VMP1: variants seen among roughly 807,000 people sequenced by gnomAD.
VMP1 encodes vacuole membrane protein 1, also known as ectopic P-granules autophagy protein 3 homolog.
Under a neutral mutation model 56.0 loss-of-function variants are expected in VMP1, and 11 were observed. The ratio of observed to expected loss-of-function variants is 0.20; its 90% CI spans 0.12 to 0.32. The LOEUF is 0.32. VMP1 is among the 10% of genes least tolerant of loss of function. The pLI, the probability that VMP1 is intolerant of heterozygous loss-of-function variation, is 1.00. For synonymous variants in VMP1, 149 were observed against 165.0 expected, an observed-to-expected ratio of 0.90 and a Z score of 0.74; for missense variants, 296 against 490.3, an observed-to-expected ratio of 0.60 and a Z score of 3.74.
At chr17:59,756,435 A>G (rs1235414451) in intron 5 of VMP1, among the ~76,000 whole-genome samples, 1 of 152,232 alleles carries the variant, frequency 6.6e-6, no homozygotes, top group Non-Finnish European at 1.5e-5. Context: ...CCAGTGAATC[A>G]GCACAGGATT....
chr17:59,764,145 G>T (rs908843791), intron 5 of VMP1, among the ~76,000 whole-genome samples: 5 of 152,152 alleles, frequency 3.3e-5, no homozygotes, highest in Non-Finnish European at 7.4e-5. Flanking sequence ...TTTAAGTAAG[G>T]ACGTAAAGTG....
intron 2 of VMP1, among the ~76,000 whole-genome samples, chr17:59,733,968 G>C (rs1457877297): frequency 6.6e-6 from 1 of 152,258 alleles, no homozygotes; most frequent in East Asian, 1.9e-4. Flanking sequence ...GAACCAACTA[G>C]TTTGCCTCAC....
At chr17:59,742,376 G>A (rs952176756) in intron 5 of VMP1, among the ~76,000 whole-genome samples, 1 of 151,930 alleles carries the variant, frequency 6.6e-6, no homozygotes, top group African/African-American at 2.4e-5. Context: ...AATTAGCTGG[G>A]TGTGGTGGCA....
intron 10 of VMP1, among the ~76,000 whole-genome samples, chr17:59,837,043 T>C (rs1196336762): frequency 6.7e-6 from 1 of 150,236 alleles, no homozygotes; most frequent in African/African-American, 2.5e-5. Flanking sequence ...CTACTAAAAA[T>C]ACAAAAAAAA....
chr17:59,829,711 T>C (rs899494269), intron 10 of VMP1, among the ~76,000 whole-genome samples: 6 of 152,154 alleles, frequency 3.9e-5, no homozygotes, highest in African/African-American at 1.4e-4. Flanking sequence ...ATTGCTAGGC[T>C]GTCTTGTTGC....
chr17:59,805,795 A>G (rs1568181643), intron 7 of VMP1, among the ~76,000 whole-genome samples: 1 of 152,156 alleles, frequency 6.6e-6, no homozygotes, highest in African/African-American at 2.4e-5. Context: ...TAAAGGTGAC[A>G]TTAATGCTGA....
intron 5 of VMP1, among the ~76,000 whole-genome samples, chr17:59,755,742 G>GT (rs57646102): frequency 0.05 from 6,971 of 140,290 alleles, 571 homozygotes; most frequent in African/African-American, 0.17. Context: ...TTGGTTTTTG[G>GT]TTTTTTTTTT....
chr17:59,802,156 C>T (rs1199029788), intron 7 of VMP1, among the ~76,000 whole-genome samples: 2 of 151,886 alleles, frequency 1.3e-5, no homozygotes, highest in African/African-American at 2.4e-5. Flanking sequence ...AGCCAAGTCA[C>T]GCCACTGCAC....
chr17:59,821,271 A>G (rs1156442158), intron 10 of VMP1, among the ~76,000 whole-genome samples: 2 of 151,548 alleles, frequency 1.3e-5, no homozygotes, highest in African/African-American at 2.4e-5. Context: ...CACCTGACCT[A>G]TCTTACGTCT....
At chr17:59,809,279 G>A (rs529920939) in intron 8 of VMP1, among the ~76,000 whole-genome samples, 27 of 140,522 alleles carry the variant, frequency 1.9e-4, no homozygotes, top group African/African-American at 6.3e-4. Context: ...TTACAGGCAT[G>A]AGCCACTACA....
At chr17:59,735,238 T>A in intron 2 of VMP1, 100 bp from the exon 3 acceptor site, 1 of 1,448,000 alleles carries the variant, frequency 6.9e-7, no homozygotes, top group South Asian at 1.4e-5. Context: ...TGCTATTAGT[T>A]GTTATTTGGG....
intron 5 of VMP1, among the ~76,000 whole-genome samples, chr17:59,755,946 G>A (rs796945184): frequency 2.0e-5 from 3 of 151,844 alleles, no homozygotes; most frequent in East Asian, 1.9e-4. Context: ...TGTGTTGTCC[G>A]AGCTAGTCTC....
chr17:59,713,758 T>C (rs2034032428), intron 1 of VMP1, among the ~76,000 whole-genome samples: 1 of 149,774 alleles, frequency 6.7e-6, no homozygotes, highest in South Asian at 2.1e-4. Context: ...GAAGGTATCT[T>C]AGGGCTGGGC....
intron 1 of VMP1, among the ~76,000 whole-genome samples, chr17:59,721,597 T>C (rs1402436045): frequency 1.3e-5 from 2 of 151,650 alleles, no homozygotes; most frequent in African/African-American, 4.8e-5. Flanking sequence ...AAAGGTAGTC[T>C]AGCTAGACAA....
At position 59,776,276 on chromosome 17, in the gene VMP1, A is replaced by C. The variant is rs377204384; in HGVS notation, c.714+2391A>C. On this transcript the variant is annotated intron_variant, in intron 7 of 11. Coordinates refer to ENST00000262291, the MANE Select transcript of VMP1 (RefSeq NM_030938.5). ...GTATGGTTATAGTTTTTAATTAAAT[A>C]CAAAACTTTCAAATATGAATTTAGA... is the stretch of plus-strand genomic sequence containing the variant. Among the ~76,000 whole-genome samples the C allele has an allele frequency of 2.2e-4, 34 of 152,346 alleles. 1 individual carries two copies. The East Asian group carries it at 5.6e-3, about 25-fold the overall frequency.
rs201740467 is a variant in VMP1, at chr17:59,835,135, G to GT, written c.975-3149dup. ...GTTTTGTTTTTTTGCTTTTTTGTTT[G>GT]TTTTTTTTTTTGAGACGGAGTCTCA... is the stretch of plus-strand genomic sequence containing the variant. On this transcript the variant is annotated intron_variant, in intron 10 of 11. Coordinates refer to ENST00000262291, the MANE Select transcript of VMP1 (RefSeq NM_030938.5). 0.013 allele frequency among the ~76,000 whole-genome samples: 1,831 copies of GT among 143,930 alleles called. 202 individuals are homozygous for GT. The East Asian group carries it at 0.29, about 23-fold the overall frequency. 94.4% of individuals were successfully genotyped at this position (143,930 alleles called of 152,430 possible). A position where few individuals can be genotyped will look rare whatever the true frequency, so the allele number is the denominator to read the frequency against.
intron 7 of VMP1, 72 bp downstream of exon 7, chr17:59,773,957 G>T: frequency 3.2e-6 from 4 of 1,264,492 alleles, no homozygotes; most frequent in East Asian, 3.1e-5. Flanking sequence ...AAAATTGTTA[G>T]TAGTTACTCT....
intron 5 of VMP1, among the ~76,000 whole-genome samples, chr17:59,750,547 C>T (rs1448796988): frequency 2.0e-5 from 3 of 152,048 alleles, no homozygotes; most frequent in Admixed American, 2.0e-4. Context: ...GGTGATCCAC[C>T]CACCTCGGCC....
chr17:59,765,606 A>G (rs1165183471), intron 6 of VMP1, among the ~76,000 whole-genome samples: 1 of 152,194 alleles, frequency 6.6e-6, no homozygotes, highest in Non-Finnish European at 1.5e-5. Flanking sequence ...AGAAAATTAT[A>G]AGGGAAAGGA....
Sources: allele counts gnomAD v4.1 joint callset (sites outside exome capture counted in the v4.1 genomes callset), GRCh38; gene constraint gnomAD v4.1.1; transcripts MANE v1.5; gene names NCBI Gene and HGNC (gene_info 2026-07-23, HGNC 2026-07-21).